MTHFD2L: variants seen among roughly 807,000 people sequenced by gnomAD.
MTHFD2L encodes the protein methylenetetrahydrofolate dehydrogenase (NADP+ dependent) 2 like, also known as bifunctional methylenetetrahydrofolate dehydrogenase/cyclohydrolase 2, mitochondrial.
A neutral mutation model predicts 34.9 loss-of-function variants in MTHFD2L; 29 were observed. The ratio of observed to expected loss-of-function variants is 0.83; its 90% CI spans 0.62 to 1.13. The LOEUF (loss-of-function observed/expected upper bound fraction) is 1.13, where lower values mean the gene tolerates loss of function less well. Among genes scored for constraint, MTHFD2L ranks in the 50% most tolerant of loss-of-function variants. The pLI, the probability that MTHFD2L is intolerant of heterozygous loss-of-function variation, is 0.00. For synonymous variants in MTHFD2L, 167 were observed against 155.7 expected (o/e 1.07, Z -0.54); for missense variants, 481 against 446.5 (o/e 1.08, Z -0.70).
chr4:74,198,313 A>G (rs1179713810), intron 3 of MTHFD2L, among the ~76,000 whole-genome samples: 1 of 152,178 alleles, frequency 6.6e-6, no homozygotes, highest in Non-Finnish European at 1.5e-5. Context: ...AGATGGCAAC[A>G]TACAGTGTAA....
intron 3 of MTHFD2L, among the ~76,000 whole-genome samples, chr4:74,198,044 A>G (rs1419408824): frequency 6.6e-6 from 1 of 152,150 alleles, no homozygotes; most frequent in Non-Finnish European, 1.5e-5. Flanking sequence ...TCTGCTATAC[A>G]TTTTGTATGT....
intron 1 of MTHFD2L, among the ~76,000 whole-genome samples, chr4:74,135,537 G>C (rs139555846): frequency 6.6e-6 from 1 of 151,974 alleles, no homozygotes; most frequent in African/African-American, 2.4e-5. Context: ...AAAAGCTCAC[G>C]GCCTGATAAC....
At chr4:74,257,065 A>G (rs1744115270) in intron 6 of MTHFD2L, among the ~76,000 whole-genome samples, 1 of 152,100 alleles carries the variant, frequency 6.6e-6, no homozygotes. Context: ...TGGCCCTTTT[A>G]ATGATAATGA....
intron 5 of MTHFD2L, among the ~76,000 whole-genome samples, chr4:74,208,551 G>A (rs549155181): frequency 4.5e-4 from 68 of 152,178 alleles, no homozygotes; most frequent in African/African-American, 1.6e-3. Context: ...GCTAAAAGCC[G>A]AGTTCTTGTC....
At chr4:74,225,962 G>A (rs1739090783) in intron 6 of MTHFD2L, among the ~76,000 whole-genome samples, 2 of 151,992 alleles carry the variant, frequency 1.3e-5, no homozygotes, top group African/African-American at 4.8e-5. Context: ...AGGATGTTTG[G>A]TCTGGAAGAA....
chr4:74,164,833 G>A lies in MTHFD2L; in HGVS notation c.143+6552G>A, dbSNP rs565984968. 10 of 236,906 alleles carry A rather than the reference G, an allele frequency of 4.2e-5. No individual in the cohort carries two copies. In the South Asian group the frequency reaches 1.2e-3, roughly 29 times the overall value. The allele number at this position is 236,906 out of a possible 1,614,324, so 14.7% of individuals were successfully genotyped here. On this transcript the variant is annotated intron_variant, in intron 1 of 7. Transcript: ENST00000325278. ...CCACCACCTCCCTTCTTTAATTTTT[G>A]CCTCCTGATGAAGCCACATTTCGTG...
chr4:74,203,331 T>TTC lies in MTHFD2L; in HGVS notation c.712+1973_712+1974dup, dbSNP rs201048985. On this transcript the variant is annotated intron_variant, in intron 5 of 7. Transcript: ENST00000325278. ...GCTTAGTCTATTGCTGCTTATCTCT[T>TTC]TCTCTCTCTCTCTGTAAATAAAGAT... is the stretch of plus-strand genomic sequence containing the variant. Among the ~76,000 whole-genome samples the TTC allele has an allele frequency of 7.5e-3, 1,147 of 152,064 alleles. 10 individuals carry two copies. Among genetic ancestry groups the TTC allele is most frequent in the African/African-American group, 0.026 (1,084 of 41,504 alleles).
chr4:74,151,103 A>G (rs1723911259), intron 1 of MTHFD2L, among the ~76,000 whole-genome samples: 1 of 151,996 alleles, frequency 6.6e-6, no homozygotes, highest in Admixed American at 6.5e-5. Context: ...ACATGTATAT[A>G]GATATATACA....
At chr4:74,272,751 T>C (rs1033885548) in intron 6 of MTHFD2L, among the ~76,000 whole-genome samples, 8 of 152,212 alleles carry the variant, frequency 5.3e-5, no homozygotes, top group African/African-American at 1.9e-4. Context: ...TTCTGCTTTT[T>C]CTTGTGTTTT....
upstream of MTHFD2L, chr4:74,156,445 A>G (rs1160855195): frequency 6.6e-6 from 1 of 152,104 alleles, no homozygotes; most frequent in African/African-American, 2.4e-5. Flanking sequence ...ATAATATCCC[A>G]TTGTATGAAT....
rs769145710 is a variant in MTHFD2L, at chr4:74,174,635, T to C, written c.273T>C (p.Asp91=). 1.2e-6 allele frequency: 2 copies of C among 1,602,752 alleles called. No individual in the cohort carries two copies. The highest frequency in any genetic ancestry group is 1.7e-6 in the Non-Finnish European group (2 of 1,175,126). ...RPHLSIILVG[D]NPASHTYVRN... ...ACCTCAGTATAATTTTAGTGGGAGATAACCCAGCAAGCCATACATATGTCA... is the reference window on the plus strand; with the variant it reads ...ACCTCAGTATAATTTTAGTGGGAGACAACCCAGCAAGCCATACATATGTCA... The change falls in exon 2 of 8, where the codon GAT becomes GAC. Residue 91 remains aspartate (D), a synonymous_variant. Transcript: ENST00000325278.
chr4:74,291,128 CT>C (rs1401847907), intron 7 of MTHFD2L, among the ~76,000 whole-genome samples: 1 of 146,448 alleles, frequency 6.8e-6, no homozygotes, highest in African/African-American at 2.5e-5. Context: ...AGCAATTCTC[CT>C]GCCTCAGCCT....
At chr4:74,159,968 G>A (rs1237818837) in intron 1 of MTHFD2L, 2 of 926,006 alleles carry the variant, frequency 2.2e-6, no homozygotes, top group Non-Finnish European at 1.4e-6. Flanking sequence ...CCCCAAGGTT[G>A]AGAAACACCT....
chr4:74,267,371 TTTTCTTTCTTTC>T (rs200111752), intron 6 of MTHFD2L: 167 of 451,750 alleles, frequency 3.7e-4, no homozygotes, highest in African/African-American at 3.7e-3. Flanking sequence ...CCTTTCTCTT[TTTTCTTTCTTTC>T]TTTCTTTCTT....
chr4:74,277,200 C>G (rs776309972), intron 6 of MTHFD2L, among the ~76,000 whole-genome samples: 1 of 151,070 alleles, frequency 6.6e-6, no homozygotes, highest in Non-Finnish European at 1.5e-5. Flanking sequence ...AAACAGAAGC[C>G]TAGAATCCTT....
intron 6 of MTHFD2L, among the ~76,000 whole-genome samples, chr4:74,277,002 T>A (rs1276766979): frequency 6.6e-6 from 1 of 152,030 alleles, no homozygotes; most frequent in East Asian, 1.9e-4. Context: ...ATACAGAAGT[T>A]TGTAAGTCTG....
chr4:74,291,003 CTTTTTTTTTTTTTTTTTTTT>C (rs10585551), intron 7 of MTHFD2L, among the ~76,000 whole-genome samples: 3 of 29,278 alleles, frequency 1.0e-4, no homozygotes, highest in African/African-American at 3.2e-4. Flanking sequence ...TTTTCCTTTT[CTTTTTTTTTTTTTTTTTTTT>C]TTTTTTTTTT....
At chr4:74,144,766 T>G (rs941504503) in intron 1 of MTHFD2L, among the ~76,000 whole-genome samples, 1 of 152,210 alleles carries the variant, frequency 6.6e-6, no homozygotes, top group African/African-American at 2.4e-5. Flanking sequence ...TACATTTCAT[T>G]TTTTATAATT....
At chr4:74,206,597 A>C (rs1735369298) in intron 5 of MTHFD2L, among the ~76,000 whole-genome samples, 1 of 152,138 alleles carries the variant, frequency 6.6e-6, no homozygotes, top group Non-Finnish European at 1.5e-5. Flanking sequence ...AACCCAAGAG[A>C]AAGAAAAAAA....
Sources: allele counts gnomAD v4.1 joint callset (sites outside exome capture counted in the v4.1 genomes callset), GRCh38; gene constraint gnomAD v4.1.1; transcripts MANE v1.5; gene names NCBI Gene and HGNC (gene_info 2026-07-23, HGNC 2026-07-21).